UVRAG: variants seen among roughly 807,000 people sequenced by gnomAD.
UVRAG encodes the protein UV radiation resistance associated, also known as UV radiation resistance-associated gene protein.
A neutral mutation model predicts 78.0 loss-of-function variants in UVRAG; 19 were observed. The observed-to-expected ratio is 0.24, with a 90% confidence interval of 0.17 to 0.36. The LOEUF (loss-of-function observed/expected upper bound fraction) is 0.36. Among genes scored for constraint, UVRAG ranks in the 10% least tolerant of loss-of-function variants. The pLI is 1.00. For missense variants in UVRAG, 740 were observed against 853.8 expected (o/e 0.87, Z 1.66); for synonymous variants, 323 against 324.6 (o/e 1.00, Z 0.05).
intron 2 of UVRAG, among the ~76,000 whole-genome samples, chr11:75,852,418 G>A (rs892815010): frequency 6.6e-6 from 1 of 151,984 alleles, no homozygotes; most frequent in African/African-American, 2.4e-5. Flanking sequence ...CAGAAGAATG[G>A]CATGGTTTTC....
intron 12 of UVRAG, among the ~76,000 whole-genome samples, chr11:76,041,540 G>A (rs981844759): frequency 1.3e-5 from 2 of 152,228 alleles, no homozygotes; most frequent in South Asian, 2.1e-4. Context: ...AAGCAGCCTT[G>A]CATCTGTGGA....
chr11:76,110,228 A>ATATATG (rs1170175017), intron 13 of UVRAG, among the ~76,000 whole-genome samples: 5 of 150,032 alleles, frequency 3.3e-5, no homozygotes, highest in African/African-American at 1.2e-4. Context: ...ATATATATAT[A>ATATATG]TATGTATTAG....
intron 13 of UVRAG, among the ~76,000 whole-genome samples, chr11:76,112,780 G>A (rs905238746): frequency 8.7e-5 from 13 of 149,956 alleles, no homozygotes; most frequent in African/African-American, 1.2e-4. Context: ...AGGCTGGAGT[G>A]CAGTGGCACA....
intron 1 of UVRAG, 125 bp downstream of exon 1, chr11:75,815,649 C>T (rs1320073264): frequency 2.0e-6 from 1 of 489,716 alleles, no homozygotes; most frequent in Non-Finnish European, 3.2e-6. Context: ...GCTCGCGGGA[C>T]TGAGGAAGAC....
At chr11:75,824,736 C>T (rs1006629271) in intron 1 of UVRAG, among the ~76,000 whole-genome samples, 2 of 145,614 alleles carry the variant, frequency 1.4e-5, no homozygotes, top group African/African-American at 2.6e-5. Flanking sequence ...TGCAGTGGCA[C>T]GATCTCGGCT....
At chr11:75,972,850 A>T (rs2135242601) in intron 7 of UVRAG, among the ~76,000 whole-genome samples, 1 of 152,330 alleles carries the variant, frequency 6.6e-6, no homozygotes, top group African/African-American at 2.4e-5. Flanking sequence ...ACAGGAAGAC[A>T]TCTAACTTTT....
At chr11:75,887,241 G>A (rs1042036043) in intron 4 of UVRAG, among the ~76,000 whole-genome samples, 2 of 152,080 alleles carry the variant, frequency 1.3e-5, no homozygotes, top group African/African-American at 2.4e-5. Context: ...CGCCTCCCGG[G>A]TACAAGCGAT....
intron 8 of UVRAG, among the ~76,000 whole-genome samples, chr11:75,988,403 A>G (rs749434220): frequency 6.6e-6 from 1 of 152,214 alleles, no homozygotes; most frequent in Admixed American, 6.5e-5. Context: ...TTCACTTAGC[A>G]TAGTAGCTTT....
At chr11:75,853,072 G>A (rs1001248647) in intron 2 of UVRAG, among the ~76,000 whole-genome samples, 2 of 151,964 alleles carry the variant, frequency 1.3e-5, no homozygotes, top group African/African-American at 4.8e-5. Flanking sequence ...CGCCACTCCA[G>A]GCTAACTTTG....
At chr11:75,907,215 G>A (rs941213452) in intron 5 of UVRAG, among the ~76,000 whole-genome samples, 2 of 152,230 alleles carry the variant, frequency 1.3e-5, no homozygotes, top group East Asian at 3.9e-4. Context: ...TTGCCTAATT[G>A]TTCTGGCTAG....
chr11:76,122,141 G>A (rs771500961), intron 14 of UVRAG, among the ~76,000 whole-genome samples: 2 of 152,156 alleles, frequency 1.3e-5, no homozygotes, highest in African/African-American at 2.4e-5. Context: ...ACTGAAAAAA[G>A]TAAAAAGTAC....
intron 8 of UVRAG, among the ~76,000 whole-genome samples, chr11:75,999,454 C>T (rs1949769199): frequency 6.6e-6 from 1 of 151,880 alleles, no homozygotes; most frequent in Admixed American, 6.6e-5. Context: ...GCAATCTCGG[C>T]TTACTGCAAC....
chr11:76,018,716 A>G (rs1441167699), intron 12 of UVRAG, among the ~76,000 whole-genome samples: 2 of 152,066 alleles, frequency 1.3e-5, no homozygotes, highest in Non-Finnish European at 2.9e-5. Flanking sequence ...ATTCTTTGCC[A>G]TTGCTTTATT....
At chr11:76,077,583 A>T (rs1951426038) in intron 13 of UVRAG, among the ~76,000 whole-genome samples, 1 of 152,326 alleles carries the variant, frequency 6.6e-6, no homozygotes, top group African/African-American at 2.4e-5. Flanking sequence ...CCTTTCACAT[A>T]TATTATTTCT....
At chr11:75,982,932 A>T (rs764304780) in intron 7 of UVRAG, among the ~76,000 whole-genome samples, 8 of 152,024 alleles carry the variant, frequency 5.3e-5, no homozygotes, top group Admixed American at 1.3e-4. Flanking sequence ...TGGGTTTTTT[A>T]TGTCGTTCGG....
At chr11:76,087,971 G>C (rs565674301) in intron 13 of UVRAG, among the ~76,000 whole-genome samples, 71 of 152,230 alleles carry the variant, frequency 4.7e-4, no homozygotes, top group African/African-American at 1.7e-3. Flanking sequence ...ACCTCCCTGG[G>C]GTCAGGTGAT....
At chr11:76,071,034 T>C (rs1951296390) in intron 13 of UVRAG, among the ~76,000 whole-genome samples, 2 of 152,170 alleles carry the variant, frequency 1.3e-5, no homozygotes, top group South Asian at 4.1e-4. Flanking sequence ...GTGAATCATA[T>C]CTCAATAAAG....
At chr11:76,061,373 AAG>A (rs1951089541) in intron 12 of UVRAG, among the ~76,000 whole-genome samples, 1 of 152,174 alleles carries the variant, frequency 6.6e-6, no homozygotes, top group Non-Finnish European at 1.5e-5. Flanking sequence ...GGGGCCAGAT[AAG>A]AGAATAAATG....
intron 7 of UVRAG, among the ~76,000 whole-genome samples, chr11:75,979,092 A>T (rs1949326055): frequency 6.6e-6 from 1 of 152,116 alleles, no homozygotes; most frequent in Non-Finnish European, 1.5e-5. Flanking sequence ...TTTCCTTCTA[A>T]CACTCAGGAC....
Sources: gnomAD v4.1 joint callset for allele counts (sites outside exome capture counted in the v4.1 genomes callset) on GRCh38, gnomAD v4.1.1 for gene constraint, MANE v1.5 for transcripts, NCBI Gene and HGNC (gene_info 2026-07-23, HGNC 2026-07-21) for gene names.